Variants in POLR3A observed in about 807,000 individuals in gnomAD.
POLR3A encodes DNA-directed RNA polymerase III subunit RPC1.
A neutral mutation model predicts 152.8 loss-of-function variants in POLR3A; 112 were observed. That is an observed-to-expected ratio of 0.73 (90% CI 0.63 to 0.86). The LOEUF (loss-of-function observed/expected upper bound fraction) is 0.86. Ranked by LOEUF, POLR3A falls within the 40% of genes least tolerant of loss-of-function variation. The pLI, the probability that POLR3A is intolerant of heterozygous loss-of-function variation, is 0.00. For missense variants in POLR3A, 1,385 were observed against 1,743.1 expected (o/e 0.79, Z 3.66); for synonymous variants, 615 against 652.1 (o/e 0.94, Z 0.87).
intron 28 of POLR3A, 26 bp downstream of exon 28, chr10:77,982,128 A>G: frequency 6.2e-7 from 1 of 1,609,866 alleles, no homozygotes; most frequent in Non-Finnish European, 8.5e-7. Flanking sequence ...CCTAACCCTA[A>G]GGCGACCCCG....
chr10:78,017,851 T>C (rs905654214), intron 9 of POLR3A, 135 bp from the exon 10 acceptor site: 2 of 1,045,330 alleles, frequency 1.9e-6, no homozygotes, highest in African/African-American at 1.6e-5. Context: ...TGTCATATAG[T>C]TTTATGTGCC....
rs1847671613 is a variant in POLR3A at position 78,029,484 on chromosome 10, G to T, written c.-77C>A. Reference sequence around the variant, plus strand: ...AACGATGCCCCCAGCACCTCCTGGGGCTGCTTCTGGACTCGCCGCTAACAC... The same window carrying T: ...AACGATGCCCCCAGCACCTCCTGGGTCTGCTTCTGGACTCGCCGCTAACAC... On this transcript the variant is annotated 5_prime_UTR_variant, in exon 1 of 31. Transcript: ENST00000372371. 3 of 1,482,714 alleles carry T rather than the reference G, an allele frequency of 2.0e-6. No individual in the cohort carries two copies. The highest frequency in any genetic ancestry group is 1.9e-6 in the Non-Finnish European group (2 of 1,065,240). The allele number at this position is 1,482,714 out of a possible 1,614,324, so 91.8% of individuals were successfully genotyped here. A position where few individuals can be genotyped will look rare whatever the true frequency, so the allele number is the denominator to read the frequency against.
At chr10:78,028,048 T>TGGC (rs1160423041) in intron 1 of POLR3A, among the ~76,000 whole-genome samples, 1 of 152,218 alleles carries the variant, frequency 6.6e-6, no homozygotes, top group Non-Finnish European at 1.5e-5. Context: ...TTCTAGTGAA[T>TGGC]GGCAACCATC....
chr10:78,019,552 T>C (rs1451852772), intron 8 of POLR3A: 1 of 460,972 alleles, frequency 2.2e-6, no homozygotes, highest in Non-Finnish European at 4.0e-6. Context: ...TAGACTGATC[T>C]ATAGGAACCT....
intron 16 of POLR3A, 38 bp downstream of exon 16, chr10:78,004,678 C>A: frequency 6.4e-7 from 1 of 1,551,150 alleles, no homozygotes; most frequent in Non-Finnish European, 8.8e-7. Context: ...CCACTGTGCA[C>A]GGCAAGTGGC....
At chr10:78,004,446 C>G (rs974687382) in intron 16 of POLR3A, among the ~76,000 whole-genome samples, 2 of 152,112 alleles carry the variant, frequency 1.3e-5, no homozygotes, top group Non-Finnish European at 2.9e-5. Flanking sequence ...TTTTCACCAC[C>G]TGGATGTGAA....
rs201314157 is a variant in POLR3A at position 78,009,682 on chromosome 10, G to T, written c.1771-7C>A. ...CCGTCCACAGGGTGACAGGCTGAGGGGGGGAGGAAGCCTGAGAGTCAGTGG... is the reference window on the plus strand; with the variant it reads ...CCGTCCACAGGGTGACAGGCTGAGGTGGGGAGGAAGCCTGAGAGTCAGTGG... On this transcript the variant is annotated splice_polypyrimidine_tract_variant and splice_region_variant and intron_variant, in intron 13 of 30. Transcript: ENST00000372371. 139 of 1,614,138 alleles carry T rather than the reference G, an allele frequency of 8.6e-5. 1 individual carries two copies. Among genetic ancestry groups the T allele is most frequent in the South Asian group, 2.2e-4 (20 of 91,078 alleles).
chr10:78,002,086 T>A, intron 17 of POLR3A, 111 bp downstream of exon 17: 1 of 651,088 alleles, frequency 1.5e-6, no homozygotes, highest in Non-Finnish European at 2.7e-6. Flanking sequence ...TTTAAAAAGA[T>A]CCCTTAAATA....
At chr10:78,002,143 A>C in intron 17 of POLR3A, 54 bp downstream of exon 17, 1 of 1,094,872 alleles carries the variant, frequency 9.1e-7, no homozygotes, top group Admixed American at 2.2e-5. Context: ...TTCTGGAGCC[A>C]AACAGCCTGT....
intron 9 of POLR3A, 21 bp downstream of exon 9, chr10:78,019,141 A>G: frequency 6.5e-7 from 1 of 1,550,186 alleles, no homozygotes; most frequent in Non-Finnish European, 8.9e-7. Context: ...GTTAAATCCA[A>G]CTAGATTGGG....
chr10:78,004,379 T>A (rs1411295625), intron 16 of POLR3A, among the ~76,000 whole-genome samples: 1 of 152,180 alleles, frequency 6.6e-6, no homozygotes, highest in Non-Finnish European at 1.5e-5. Flanking sequence ...AGAAGGGACC[T>A]GAGTGTGCCA....
intron 25 of POLR3A, 75 bp downstream of exon 25, chr10:77,984,130 T>C (rs970198346): frequency 1.2e-5 from 15 of 1,250,166 alleles, no homozygotes; most frequent in African/African-American, 4.4e-5. Flanking sequence ...GGTCAATAGA[T>C]GGCAGCTGAT....
intron 19 of POLR3A, among the ~76,000 whole-genome samples, chr10:77,998,319 A>C (rs12261224): frequency 0.13 from 19,269 of 152,026 alleles, 2,368 homozygotes; most frequent in African/African-American, 0.31. Flanking sequence ...TAATTAAACT[A>C]AAGAGCTTCT....
rs267608676 is a variant in POLR3A at position 78,009,539 on chromosome 10, G to C, written c.1907C>G (p.Ser636Cys). Reference protein sequence around the residue: ...GKGEDLCANDSYVTIQNSELM... With the variant: ...GKGEDLCANDCYVTIQNSELM... ...CCACCCGAGTTCCGTCCACTCACAG[G>C]AATCATTGGCACAGAGATCTTCCCC... The change falls in exon 14 of 31, where the codon TCC (serine) becomes TGC (cysteine). Residue 636 changes from serine to cysteine, a missense_variant and splice_region_variant. This residue lies in a region of POLR3A where 188 missense variants were observed against 179.9 expected (regional missense o/e 1.04). Transcript: ENST00000372371. 6.2e-7 allele frequency: 1 copy of C among 1,614,060 alleles called. No individual in the cohort carries two copies. Among genetic ancestry groups the C allele is most frequent in the Admixed American group, 1.7e-5 (1 of 59,990 alleles).
intron 2 of POLR3A, 94 bp from the exon 3 acceptor site, chr10:78,025,853 C>G: frequency 7.9e-7 from 1 of 1,266,586 alleles, no homozygotes; most frequent in Non-Finnish European, 1.2e-6. Context: ...AGAATCATTT[C>G]TTTTGCTTCT....
Position 77,993,273 on chromosome 10 carries a change from C to A in POLR3A, c.2711G>T (p.Gly904Val). Residue 904 changes from glycine to valine, a missense_variant, in exon 20 of 31, where the codon GGA becomes GTA. Gly to Val is a moderately radical substitution (Grantham distance 109). Around this residue, in one of 7 missense-constraint regions of POLR3A, gnomAD observed 178 missense variants for 204.6 expected, o/e 0.87. Coordinates refer to ENST00000372371, the MANE Select transcript of POLR3A (RefSeq NM_007055.4). ...CATAGCTGCAGGATCTAAGCCATCT[C>A]CTCCATAAATGAACTGGATAATATC... is the stretch of plus-strand genomic sequence containing the variant. ...TGDIIQFIYG[G>V]DGLDPAAMEG... 2 of 1,613,166 alleles carry A rather than the reference C, an allele frequency of 1.2e-6. No homozygotes were observed. The highest frequency in any genetic ancestry group is 1.7e-6 in the Non-Finnish European group (2 of 1,179,136).
Position 78,017,679 on chromosome 10 carries a change from CTT to C in POLR3A, c.1325_1326del (p.Gln442ArgfsTer6). 4 of 1,614,130 alleles carry C rather than the reference CTT, an allele frequency of 2.5e-6. No homozygotes were observed. Among genetic ancestry groups the C allele is most frequent in the Non-Finnish European group, 3.4e-6 (4 of 1,180,008 alleles). On this transcript the variant is annotated frameshift_variant, in exon 10 of 31. Transcript: ENST00000372371. LOFTEE classifies it high-confidence loss of function. ...TCTACGATGTCACCATACTTGAGCT[CTT>C]GAGCCATCTTTTCTCGATTTCCGTA... ...LKYGNREKMA[Q>X]ELKYGDIVER...
At chr10:77,986,793 G>T (rs1847202697) in intron 21 of POLR3A, among the ~76,000 whole-genome samples, 1 of 152,158 alleles carries the variant, frequency 6.6e-6, no homozygotes, top group African/African-American at 2.4e-5. Flanking sequence ...CATTGTCAAA[G>T]CCAGATGTGA....
Position 78,007,686 on chromosome 10 carries a change from A to T in POLR3A, c.2074+16T>A. ...AATTGCAGCTTTAACTAAAAGAAGG[A>T]TGCTGAGATACTTACACAGGTAGAC... On this transcript the variant is annotated intron_variant, in intron 15 of 30. Transcript: ENST00000372371. 1.2e-6 allele frequency: 2 copies of T among 1,610,766 alleles called. No individual in the cohort carries two copies. The highest frequency in any genetic ancestry group is 1.1e-5 in the South Asian group (1 of 91,024).
Sources: allele counts gnomAD v4.1 joint callset (sites outside exome capture counted in the v4.1 genomes callset), GRCh38; gene constraint gnomAD v4.1.1; regional missense constraint gnomAD v4.1.1; transcripts MANE v1.5; gene names NCBI Gene and HGNC (gene_info 2026-07-23, HGNC 2026-07-21).